The following MCC variants were observed in gnomAD, a reference collection of about 807,000 sequenced individuals.
The protein encoded by MCC is colorectal mutant cancer protein.
Under a neutral mutation model 116.2 loss-of-function variants are expected in MCC, and 90 were observed. The observed-to-expected ratio is 0.77, with a 90% CI of 0.65 to 0.92. The LOEUF (loss-of-function observed/expected upper bound fraction) is 0.92. Among genes scored for constraint, MCC ranks in the 40% least tolerant of loss-of-function variants. MCC has a pLI of 0.00. For missense variants in MCC, 1,516 were observed against 1,312.2 expected (o/e 1.16, Z -2.40); for synonymous variants, 578 against 510.5 (o/e 1.13, Z -1.78).
At chr5:113,340,485 G>T (rs762584093) in intron 3 of MCC, 34 bp downstream of exon 3, 1 of 1,574,278 alleles carries the variant, frequency 6.4e-7, no homozygotes, top group South Asian at 1.1e-5. Context: ...CAGACAGGCC[G>T]AAATATGTAT....
intron 2 of MCC, among the ~76,000 whole-genome samples, chr5:113,384,352 G>T (rs535512683): frequency 1.3e-5 from 2 of 152,340 alleles, no homozygotes; most frequent in African/African-American, 4.8e-5. Flanking sequence ...ACTTTGGGAG[G>T]CCAAGGCAGG....
At chr5:113,463,114 A>C (rs887069805) in intron 1 of MCC, among the ~76,000 whole-genome samples, 1 of 152,176 alleles carries the variant, frequency 6.6e-6, no homozygotes, top group African/African-American at 2.4e-5. Flanking sequence ...CTAGATAGGG[A>C]GTGAGAGCAG....
chr5:113,134,547 T>C (rs1425806537), intron 5 of MCC, among the ~76,000 whole-genome samples: 1 of 146,022 alleles, frequency 6.8e-6, no homozygotes, highest in African/African-American at 2.5e-5. Flanking sequence ...TGGCTTTGGC[T>C]ATTTGGGCTT....
At position 113,053,970 on chromosome 5, in the gene MCC, A is replaced by G; in HGVS notation, c.2214-11T>C. On this transcript the variant is annotated splice_polypyrimidine_tract_variant and intron_variant, in intron 14 of 18. Coordinates refer to ENST00000408903, the MANE Select transcript of MCC (RefSeq NM_001085377.2). Reference sequence around the variant, plus strand: ...GTGGAGCTGGTTGTGCTGAGAAAGAAGAAAAACAAAGACCCACCACCCTGT... The same window carrying G: ...GTGGAGCTGGTTGTGCTGAGAAAGAGGAAAAACAAAGACCCACCACCCTGT... 1 of 1,589,050 alleles carries G rather than the reference A, an allele frequency of 6.3e-7. No individual in the cohort carries two copies. The highest frequency in any genetic ancestry group is 8.6e-7 in the Non-Finnish European group (1 of 1,158,042).
At chr5:113,099,794 T>C (rs1756280701) in intron 8 of MCC, among the ~76,000 whole-genome samples, 1 of 152,230 alleles carries the variant, frequency 6.6e-6, no homozygotes, top group Admixed American at 6.5e-5. Flanking sequence ...TATTTTTTGC[T>C]AGTCCACCAT....
intron 1 of MCC, among the ~76,000 whole-genome samples, chr5:113,449,515 C>T (rs1771324736): frequency 6.6e-6 from 1 of 152,248 alleles, no homozygotes; most frequent in South Asian, 2.1e-4. Flanking sequence ...CTGTGTGCTG[C>T]CTCAGCGGAG....
intron 1 of MCC, among the ~76,000 whole-genome samples, chr5:113,419,779 C>A (rs1181516283): frequency 1.3e-5 from 2 of 148,428 alleles, no homozygotes; most frequent in East Asian, 2.0e-4. Flanking sequence ...GGACAAAAAA[C>A]CAAACACCGC....
At chr5:113,063,481 G>C (rs1753362575) in intron 14 of MCC, among the ~76,000 whole-genome samples, 1 of 152,214 alleles carries the variant, frequency 6.6e-6, no homozygotes. Flanking sequence ...CATTCCATGA[G>C]GCAAAAGAGA....
intron 1 of MCC, among the ~76,000 whole-genome samples, chr5:113,386,820 T>TACACACACAC (rs1163627014): frequency 5.2e-4 from 79 of 150,744 alleles, no homozygotes; most frequent in African/African-American, 1.8e-3. Flanking sequence ...CACATACACA[T>TACACACACAC]ATATTTGTAA....
intron 1 of MCC, among the ~76,000 whole-genome samples, chr5:113,390,540 A>C (rs1046219235): frequency 6.6e-6 from 1 of 152,230 alleles, no homozygotes; most frequent in Non-Finnish European, 1.5e-5. Context: ...TATATATAAA[A>C]GTCTTCTTTT....
chr5:113,043,816 C>T (rs1751894005), intron 16 of MCC, among the ~76,000 whole-genome samples, 186 bp from the exon 17 acceptor site: 1 of 152,268 alleles, frequency 6.6e-6, no homozygotes, highest in Non-Finnish European at 1.5e-5. Context: ...TGCTCCCAGA[C>T]CGCTGGCTCC....
At position 113,434,395 on chromosome 5, in the gene MCC, T is replaced by C; in HGVS notation, c.171-49183A>G. Reference sequence around the variant, plus strand: ...AAGCTGAAGTCGGACAGCTTGATGTTGAAGTCCTTGTCAAGGAGAAGGTTG... The same window carrying C: ...AAGCTGAAGTCGGACAGCTTGATGTCGAAGTCCTTGTCAAGGAGAAGGTTG... On this transcript the variant is annotated intron_variant, in intron 1 of 18. Transcript: ENST00000408903. The surrounding 1 kb of genome is among the most constrained non-coding windows in gnomAD (Gnocchi z 4.2). 2 of 1,613,884 alleles carry C rather than the reference T, an allele frequency of 1.2e-6. No homozygotes were observed. Among genetic ancestry groups the C allele is most frequent in the Non-Finnish European group, 1.7e-6 (2 of 1,179,984 alleles).
At chr5:113,419,358 T>C (rs1238488732) in intron 1 of MCC, among the ~76,000 whole-genome samples, 1 of 141,600 alleles carries the variant, frequency 7.1e-6, no homozygotes, top group Non-Finnish European at 1.5e-5. Flanking sequence ...ATTCTTCTTC[T>C]TTTTTTCTTT....
intron 5 of MCC, among the ~76,000 whole-genome samples, chr5:113,126,182 T>G (rs1414913282): frequency 6.6e-6 from 1 of 152,192 alleles, no homozygotes; most frequent in African/African-American, 2.4e-5. Context: ...CATTAATGTT[T>G]GCTCCTAGCT....
chr5:113,196,484 G>T (rs1404122247), intron 3 of MCC, among the ~76,000 whole-genome samples: 2 of 152,176 alleles, frequency 1.3e-5, no homozygotes, highest in Non-Finnish European at 2.9e-5. Context: ...CTATGATTTT[G>T]TAAGAAAATC....
chr5:113,064,861 A>C (rs62373347), intron 13 of MCC, among the ~76,000 whole-genome samples: 16,786 of 152,158 alleles, frequency 0.11, 2,268 homozygotes, highest in African/African-American at 0.32. Context: ...ATTGTGATTT[A>C]AGACTGTGCT....
chr5:113,372,199 C>A (rs573976727), intron 2 of MCC, among the ~76,000 whole-genome samples: 2 of 152,172 alleles, frequency 1.3e-5, no homozygotes, highest in African/African-American at 4.8e-5. Context: ...TGGATTCCCA[C>A]GAACTTTCTT....
chr5:113,163,428 G>C lies in MCC; in HGVS notation c.628-12006C>G, dbSNP rs537391657. On this transcript the variant is annotated intron_variant, in intron 3 of 18. Coordinates refer to ENST00000408903, the MANE Select transcript of MCC (RefSeq NM_001085377.2). ...CCCACATGTATGACTCATTTCCTAA[G>C]TTCTTTCATGTTGGTTTCCAATTGT... Among the ~76,000 whole-genome samples, 9 of 152,250 alleles carry C rather than the reference G, an allele frequency of 5.9e-5. 1 individual carries two copies. Among genetic ancestry groups the C allele is most frequent in the African/African-American group, 2.2e-4 (9 of 41,552 alleles).
At chr5:113,043,435 C>T in intron 17 of MCC, 95 bp downstream of exon 17, 3 of 1,138,182 alleles carry the variant, frequency 2.6e-6, no homozygotes, top group South Asian at 1.3e-5. Context: ...TGGAACACAT[C>T]AGCACCTTCT....
Sources: gnomAD v4.1 joint callset for allele counts (sites outside exome capture counted in the v4.1 genomes callset) on GRCh38, gnomAD v4.1.1 for gene constraint, Gnocchi (gnomAD v3.1) non-coding constraint, MANE v1.5 for transcripts, NCBI Gene and HGNC (gene_info 2026-07-23, HGNC 2026-07-21) for gene names.